The following LRCH3 variants were observed in gnomAD, a reference collection of about 807,000 sequenced individuals.
LRCH3 encodes DISP complex protein LRCH3.
Under a neutral mutation model 104.5 loss-of-function variants are expected in LRCH3, and 68 were observed. The ratio of observed to expected loss-of-function variants is 0.65; its 90% confidence interval spans 0.54 to 0.80. LRCH3 has a LOEUF of 0.80. LRCH3 is among the 30% of genes least tolerant of loss of function. LRCH3 has a pLI of 0.00. For synonymous variants in LRCH3, 344 were observed against 361.3 expected, an observed-to-expected ratio of 0.95 and a Z score of 0.54; for missense variants, 951 against 953.9, an observed-to-expected ratio of 1.00 and a Z score of 0.04.
chr3:197,805,705 C>T (rs1055767433), intron 1 of LRCH3, among the ~76,000 whole-genome samples: 2 of 151,418 alleles, frequency 1.3e-5, no homozygotes, highest in Non-Finnish European at 2.9e-5. Flanking sequence ...TGACAGCCGA[C>T]ATGCAGAATG....
At chr3:197,822,665 T>C (rs1734620472) in intron 4 of LRCH3, among the ~76,000 whole-genome samples, 1 of 152,208 alleles carries the variant, frequency 6.6e-6, no homozygotes, top group Non-Finnish European at 1.5e-5. Context: ...GTGTGGAAGT[T>C]TGTGTTACTT....
Position 197,810,247 on chromosome 3 carries a change from C to T in LRCH3, c.263-4661C>T, listed in dbSNP as rs2109155851. On this transcript the variant is annotated intron_variant, in intron 1 of 20. Coordinates refer to ENST00000425562, the MANE Select transcript of LRCH3 (RefSeq NM_001365715.1). The surrounding 1 kb of genome is among the most constrained non-coding windows in gnomAD (Gnocchi z 4.0). ...TCTTGGCTCACTGCAGCCTCCGCCT[C>T]CTGGGTTCAAAGGATTCTCCTGCCT... Among the ~76,000 whole-genome samples, 1 of 152,268 alleles carries T rather than the reference C, an allele frequency of 6.6e-6. No homozygotes were observed. The highest frequency in any genetic ancestry group is 1.9e-4 in the East Asian group (1 of 5,188).
At chr3:197,881,640 G>A (rs1381240500) in intron 20 of LRCH3, 27 of 985,468 alleles carry the variant, frequency 2.7e-5, no homozygotes, top group South Asian at 4.7e-5. Context: ...TTCAGAATGC[G>A]TAGCACTTAG....
chr3:197,844,373 T>C (rs574466396), intron 10 of LRCH3, among the ~76,000 whole-genome samples: 7 of 152,184 alleles, frequency 4.6e-5, no homozygotes, highest in African/African-American at 1.7e-4. Flanking sequence ...GAGGGTGGTG[T>C]CCTAGAGGCT....
intron 8 of LRCH3, among the ~76,000 whole-genome samples, chr3:197,834,908 CCACAG>C (rs1736488911): frequency 1.3e-5 from 2 of 152,230 alleles, no homozygotes; most frequent in South Asian, 2.1e-4. Flanking sequence ...CTTTGGGTGG[CCACAG>C]TGGGCGGATC....
Position 197,854,961 on chromosome 3 carries a change from G to A in LRCH3, c.1644+516G>A, listed in dbSNP as rs1454104146. Reference sequence around the variant, plus strand: ...CCCAAGGAAACATTAACTGCTGATCGTGTTGAACACTGGCTTACTTTTATT... The same window carrying A: ...CCCAAGGAAACATTAACTGCTGATCATGTTGAACACTGGCTTACTTTTATT... On this transcript the variant is annotated intron_variant, in intron 14 of 20. Coordinates refer to ENST00000425562, the MANE Select transcript of LRCH3 (RefSeq NM_001365715.1). The surrounding 1 kb of genome is among the most constrained non-coding windows in gnomAD (Gnocchi z 4.5). Among the ~76,000 whole-genome samples the A allele has an allele frequency of 6.6e-6, 1 of 152,094 alleles. No individual in the cohort carries two copies. The highest frequency in any genetic ancestry group is 1.5e-5 in the Non-Finnish European group (1 of 68,018).
chr3:197,844,610 T>C (rs1738323907), intron 10 of LRCH3, among the ~76,000 whole-genome samples: 2 of 146,646 alleles, frequency 1.4e-5, no homozygotes, highest in African/African-American at 2.5e-5. Flanking sequence ...CACTTACTGC[T>C]CATAGGTTTT....
Position 197,883,255 on chromosome 3 carries a change from C to G in LRCH3, c.2209-286C>G. On this transcript the variant is annotated intron_variant, in intron 20 of 20. Transcript: ENST00000425562. The surrounding 1 kb of genome is among the most constrained non-coding windows in gnomAD (Gnocchi z 4.2). ...GATAAAGGATGTTGCTTTCACCCTG[C>G]GGTATTGTTTTCCCTCTGTTGTATG... is the stretch of plus-strand genomic sequence containing the variant. 9.1e-7 allele frequency: 1 copy of G among 1,102,608 alleles called. No individual in the cohort carries two copies. The highest frequency in any genetic ancestry group is 2.9e-5 in the South Asian group (1 of 34,372). The allele number at this position is 1,102,608 out of a possible 1,614,324, so 68.3% of individuals were successfully genotyped here. A position where few individuals can be genotyped will look rare whatever the true frequency, so the allele number is the denominator to read the frequency against.
intron 12 of LRCH3, among the ~76,000 whole-genome samples, chr3:197,849,854 C>CAAG (rs1580801369): frequency 6.6e-6 from 1 of 152,174 alleles, no homozygotes; most frequent in South Asian, 2.1e-4. Context: ...GCATAAAATA[C>CAAG]AAGCCCTGCC....
intron 5 of LRCH3, among the ~76,000 whole-genome samples, chr3:197,827,323 A>G (rs1580678534): frequency 2.6e-5 from 4 of 151,882 alleles, no homozygotes; most frequent in Middle Eastern, 3.4e-3. Context: ...GGTAAACCAT[A>G]GTGGAAGCAT....
At chr3:197,792,899 G>T (rs562836702) in intron 1 of LRCH3, among the ~76,000 whole-genome samples, 11 of 151,866 alleles carry the variant, frequency 7.2e-5, no homozygotes, top group African/African-American at 2.4e-4. Flanking sequence ...TGATTCGCCC[G>T]CCTCGGCCTC....
intron 15 of LRCH3, among the ~76,000 whole-genome samples, chr3:197,862,872 GCTCA>G (rs1200387858): frequency 6.6e-6 from 1 of 152,192 alleles, no homozygotes; most frequent in East Asian, 1.9e-4. Context: ...TACGAGCTCA[GCTCA>G]CTGTTTAAAT....
Position 197,883,442 on chromosome 3 carries a change from G to C in LRCH3, c.2209-99G>C. On this transcript the variant is annotated intron_variant, in intron 20 of 20. Coordinates refer to ENST00000425562, the MANE Select transcript of LRCH3 (RefSeq NM_001365715.1). This position sits in a 1 kb window ranked among gnomAD's most constrained non-coding sequence, Gnocchi z 4.2. ...TACTAATTTTCATATCTAAGTTGAT[G>C]ATTGTGAAGGGGAGAAGTGCTTATT... 7.1e-7 allele frequency: 1 copy of C among 1,417,956 alleles called. No individual in the cohort carries two copies. Among genetic ancestry groups the C allele is most frequent in the Non-Finnish European group, 9.3e-7 (1 of 1,077,830 alleles). 87.8% of individuals were successfully genotyped at this position (1,417,956 alleles called of 1,614,324 possible).
In LRCH3 at chr3:197,829,425, T is replaced by G; in HGVS notation, c.778-139T>G. The G allele has an allele frequency of 6.3e-6, 3 of 478,726 alleles. No homozygotes were observed. The South Asian group carries it at 1.4e-4, about 22-fold the overall frequency. 29.7% of individuals were successfully genotyped at this position (478,726 alleles called of 1,614,324 possible). ...CACTTAACCAAATAATATAATTTAT[T>G]AGTTTTTAAATATTACTGTATGTAC... On this transcript the variant is annotated intron_variant, in intron 5 of 20. Transcript: ENST00000425562.
chr3:197,834,953 G>GTA (rs1736513996), intron 8 of LRCH3, among the ~76,000 whole-genome samples: 1 of 152,002 alleles, frequency 6.6e-6, no homozygotes, highest in Non-Finnish European at 1.5e-5. Context: ...AGACCAGCCT[G>GTA]GCCAACATGG....
At chr3:197,815,301 A>G (rs1484373800) in intron 2 of LRCH3, among the ~76,000 whole-genome samples, 2 of 152,186 alleles carry the variant, frequency 1.3e-5, no homozygotes, top group Non-Finnish European at 2.9e-5. Flanking sequence ...TCTAAGTTGA[A>G]AATGCATTTC....
In LRCH3 at chr3:197,853,327, C is replaced by T. The variant is rs540927363; in HGVS notation, c.1590+707C>T. Among the ~76,000 whole-genome samples the T allele has an allele frequency of 6.6e-5, 10 of 152,076 alleles. No homozygotes were observed. In the East Asian group the frequency reaches 1.5e-3, roughly 24 times the overall value. ...GCCTCAGCCTCCCGAGTAGCTGGGACTACAGGTGTGCACCACCACGCCTGG... is the reference window on the plus strand; with the variant it reads ...GCCTCAGCCTCCCGAGTAGCTGGGATTACAGGTGTGCACCACCACGCCTGG... On this transcript the variant is annotated intron_variant, in intron 13 of 20. Coordinates refer to ENST00000425562, the MANE Select transcript of LRCH3 (RefSeq NM_001365715.1).
At position 197,883,688 on chromosome 3, in the gene LRCH3, C is replaced by T; in HGVS notation, c.*22C>T. On this transcript the variant is annotated 3_prime_UTR_variant, in exon 21 of 21. Coordinates refer to ENST00000425562, the MANE Select transcript of LRCH3 (RefSeq NM_001365715.1). The surrounding 1 kb of genome is among the most constrained non-coding windows in gnomAD (Gnocchi z 4.2). Reference sequence around the variant, plus strand: ...TTGAGGATCCCCAGGACGGTGGGCACTGGCCTGGCCAAAACAAGGAACAGG... The same window carrying T: ...TTGAGGATCCCCAGGACGGTGGGCATTGGCCTGGCCAAAACAAGGAACAGG... 1 of 1,530,800 alleles carries T rather than the reference C, an allele frequency of 6.5e-7. No homozygotes were observed. The highest frequency in any genetic ancestry group is 1.2e-5 in the South Asian group (1 of 83,196). The allele number at this position is 1,530,800 out of a possible 1,614,324, so 94.8% of individuals were successfully genotyped here.
chr3:197,821,999 A>G (rs186840582), intron 4 of LRCH3, among the ~76,000 whole-genome samples: 1 of 152,354 alleles, frequency 6.6e-6, no homozygotes, highest in Non-Finnish European at 1.5e-5. Context: ...TTAACTAATG[A>G]TGTTTTCGCT....
Sources: allele counts gnomAD v4.1 joint callset (sites outside exome capture counted in the v4.1 genomes callset), GRCh38; gene constraint gnomAD v4.1.1; non-coding constraint Gnocchi (gnomAD v3.1); transcripts MANE v1.5; gene names NCBI Gene and HGNC (gene_info 2026-07-23, HGNC 2026-07-21).